EYS: variants seen among roughly 807,000 people sequenced by gnomAD.
EYS encodes the protein EGF-like photoreceptor maintenance factor, also known as protein eyes shut homolog.
Under a neutral mutation model 282.1 loss-of-function variants are expected in EYS, and 250 were observed. That is an observed-to-expected ratio of 0.89 (90% CI 0.80 to 0.98). The LOEUF is 0.98. EYS is among the 50% of genes least tolerant of loss of function. EYS has a pLI of 0.00. For synonymous variants in EYS, 1,355 were observed against 1,282.9 expected, an observed-to-expected ratio of 1.06 and a Z score of -1.20; for missense variants, 4,016 against 3,709.0, an observed-to-expected ratio of 1.08 and a Z score of -2.15.
chr6:63,720,183 AT>A lies in EYS; in HGVS notation c.*412del, dbSNP rs571843718. On this transcript the variant is annotated 3_prime_UTR_variant, in exon 43 of 43. Coordinates refer to ENST00000503581, the MANE Select transcript of EYS (RefSeq NM_001142800.2). ...TATTTTTCCTTTGATTAATAACTTG[AT>A]TTTTTTCTTATTTGTACCTATCCCT... 209 of 222,122 alleles carry A rather than the reference AT, an allele frequency of 9.4e-4. 1 individual carries two copies. Among genetic ancestry groups the A allele is most frequent in the Non-Finnish European group, 1.6e-3 (179 of 114,390 alleles). The allele number at this position is 222,122 out of a possible 1,614,324, so 13.8% of individuals were successfully genotyped here. A position where few individuals can be genotyped will look rare whatever the true frequency, so the allele number is the denominator to read the frequency against.
chr6:63,929,359 C>G (rs1008901729), intron 35 of EYS, among the ~76,000 whole-genome samples: 4 of 152,178 alleles, frequency 2.6e-5, no homozygotes, highest in African/African-American at 9.7e-5. Context: ...CCTCAAGACA[C>G]AGACAGCTGT....
chr6:65,049,070 T>C (rs1373508993), intron 13 of EYS, among the ~76,000 whole-genome samples: 1 of 151,870 alleles, frequency 6.6e-6, no homozygotes, highest in Non-Finnish European at 1.5e-5. Context: ...TATCTATATG[T>C]ATCCCATAAA....
At chr6:64,896,997 G>C (rs1254040780) in intron 18 of EYS, among the ~76,000 whole-genome samples, 1 of 152,196 alleles carries the variant, frequency 6.6e-6, no homozygotes, top group African/African-American at 2.4e-5. Flanking sequence ...CTGGGACAGA[G>C]CACCTGAGGG....
intron 8 of EYS, among the ~76,000 whole-genome samples, chr6:65,361,980 T>G (rs976419994): frequency 1.3e-5 from 2 of 152,242 alleles, no homozygotes; most frequent in Non-Finnish European, 1.5e-5. Context: ...AGTAACTAAT[T>G]TATTATTCAC....
At chr6:64,523,835 T>C (rs1425474301) in intron 26 of EYS, among the ~76,000 whole-genome samples, 4 of 151,608 alleles carry the variant, frequency 2.6e-5, no homozygotes, top group Non-Finnish European at 5.9e-5. Flanking sequence ...TCCTCCTTCC[T>C]CCCTCCCATC....
At chr6:65,092,700 C>T (rs191540989) in intron 12 of EYS, among the ~76,000 whole-genome samples, 60 of 152,220 alleles carry the variant, frequency 3.9e-4, no homozygotes, top group Non-Finnish European at 6.3e-4. Flanking sequence ...TATCCAAGCA[C>T]GTATCTAATT....
At chr6:65,351,395 T>C (rs183739072) in intron 9 of EYS, among the ~76,000 whole-genome samples, 3 of 151,916 alleles carry the variant, frequency 2.0e-5, no homozygotes, top group Admixed American at 2.0e-4. Context: ...TTCTGCTAAG[T>C]TTTCCATGAG....
rs191829316 is a variant in EYS at position 64,093,693 on chromosome 6, T to C, written c.6425-11691A>G. ...GTTTTCTAGATATACAATCATGTCA[T>C]CTGCAAACAGGGACAATTTGACTTC... On this transcript the variant is annotated intron_variant, in intron 31 of 42. Coordinates refer to ENST00000503581, the MANE Select transcript of EYS (RefSeq NM_001142800.2). Among the ~76,000 whole-genome samples the C allele has an allele frequency of 6.0e-3, 920 of 152,288 alleles. 15 individuals carry two copies. The highest frequency in any genetic ancestry group is 0.052 in the South Asian group (249 of 4,796).
chr6:63,858,291 C>T (rs1193456031), intron 36 of EYS, among the ~76,000 whole-genome samples: 2 of 152,108 alleles, frequency 1.3e-5, no homozygotes, highest in African/African-American at 4.8e-5. Context: ...AACTCCTGAC[C>T]TCAGGTGATC....
chr6:64,681,892 A>G (rs1326972275), intron 22 of EYS, among the ~76,000 whole-genome samples: 5 of 152,128 alleles, frequency 3.3e-5, no homozygotes, highest in Admixed American at 6.5e-5. Context: ...CATGTCTTAC[A>G]TCCTTGGGAA....
At chr6:64,593,430 A>C (rs1226371844) in intron 24 of EYS, 121 bp from the exon 25 acceptor site, 1 of 626,618 alleles carries the variant, frequency 1.6e-6, no homozygotes, top group Non-Finnish European at 2.5e-6. Context: ...CTCAAATAAA[A>C]TATTTTACTT....
At chr6:63,772,732 T>C (rs549214956) in intron 40 of EYS, among the ~76,000 whole-genome samples, 2 of 152,274 alleles carry the variant, frequency 1.3e-5, no homozygotes, top group South Asian at 4.1e-4. Flanking sequence ...TAATTGACCA[T>C]GTGAAACATT....
At chr6:64,910,173 T>C (rs1000393800) in intron 16 of EYS, among the ~76,000 whole-genome samples, 4 of 152,172 alleles carry the variant, frequency 2.6e-5, no homozygotes. Flanking sequence ...TGTTAAGTCT[T>C]GGAATTCTTT....
intron 22 of EYS, among the ~76,000 whole-genome samples, chr6:64,674,377 T>C (rs1022346659): frequency 6.7e-6 from 1 of 149,218 alleles, no homozygotes; most frequent in Admixed American, 6.7e-5. Flanking sequence ...TTTTTTTTCT[T>C]ATGTGATGGG....
intron 26 of EYS, among the ~76,000 whole-genome samples, chr6:64,472,104 TTAC>T (rs759705887): frequency 4.3e-4 from 66 of 152,186 alleles, no homozygotes; most frequent in Non-Finnish European, 9.0e-4. Context: ...GTACTGTGGA[TTAC>T]TACACAAAAA....
intron 31 of EYS, among the ~76,000 whole-genome samples, chr6:64,146,938 T>G (rs1175973850): frequency 6.6e-6 from 1 of 152,184 alleles, no homozygotes; most frequent in Non-Finnish European, 1.5e-5. Context: ...CGAAGTTCAG[T>G]GAGGCTAGGT....
At chr6:65,129,514 A>T (rs2150201504) in intron 12 of EYS, among the ~76,000 whole-genome samples, 1 of 152,242 alleles carries the variant, frequency 6.6e-6, no homozygotes. Context: ...ACATGAACAG[A>T]CACTTCTCAA....
chr6:65,467,643 ACTGT>A (rs1423766524), intron 5 of EYS, among the ~76,000 whole-genome samples: 3 of 152,128 alleles, frequency 2.0e-5, no homozygotes, highest in African/African-American at 7.2e-5. Flanking sequence ...TTAACAGTAT[ACTGT>A]CTGTTCTCTC....
chr6:63,992,210 AATC>A (rs1337661246), intron 34 of EYS, among the ~76,000 whole-genome samples: 12 of 151,870 alleles, frequency 7.9e-5, no homozygotes, highest in Non-Finnish European at 1.3e-4. Context: ...GTAATACTGT[AATC>A]ATGGTGTGTA....
Sources: gnomAD v4.1 joint callset for allele counts (sites outside exome capture counted in the v4.1 genomes callset) on GRCh38, gnomAD v4.1.1 for gene constraint, MANE v1.5 for transcripts, NCBI Gene and HGNC (gene_info 2026-07-23, HGNC 2026-07-21) for gene names.